Variants in TMEM87A observed in about 807,000 individuals in gnomAD.
TMEM87A encodes Golgi-pH regulating cation channel.
A neutral mutation model predicts 90.0 loss-of-function variants in TMEM87A; 50 were observed. That is an observed-to-expected ratio of 0.56 (90% confidence interval 0.44 to 0.70). The LOEUF (loss-of-function observed/expected upper bound fraction) is 0.70. TMEM87A is among the 30% of genes least tolerant of loss of function. TMEM87A has a pLI of 0.00. For missense variants in TMEM87A, 577 were observed against 660.5 expected, an observed-to-expected ratio of 0.87 and a Z score of 1.39; for synonymous variants, 226 against 226.7, an observed-to-expected ratio of 1.00 and a Z score of 0.03.
At chr15:42,236,281 A>G (rs749051390) in intron 10 of TMEM87A, 39 bp downstream of exon 10, 5 of 1,530,608 alleles carry the variant, frequency 3.3e-6, no homozygotes, top group Non-Finnish European at 3.6e-6. Flanking sequence ...TTTAATCAGC[A>G]TTTTAATTTG....
Position 42,231,275 on chromosome 15 carries a change from AAAG to A in TMEM87A, c.1063-18_1063-16del. 1.3e-6 allele frequency: 2 copies of A among 1,552,336 alleles called. No homozygotes were observed. Among genetic ancestry groups the A allele is most frequent in the Non-Finnish European group, 8.6e-7 (1 of 1,156,536 alleles). On this transcript the variant is annotated splice_polypyrimidine_tract_variant and intron_variant, in intron 11 of 19. Coordinates refer to ENST00000389834, the MANE Select transcript of TMEM87A (RefSeq NM_015497.5). ...TCAGTCTGGGCCTGCAGACAAAGAA[AAAG>A]AAGTGGTGAAAAACAGATGTCTAGA...
Position 42,237,417 on chromosome 15 carries a change from T to C in TMEM87A, c.868+15A>G, listed in dbSNP as rs776449608. On this transcript the variant is annotated intron_variant, in intron 9 of 19. Transcript: ENST00000389834. Reference sequence around the variant, plus strand: ...TCCAACCACTCGAACTGGCAAAGATTTTCTGGTTACTTACCAGATTCTCCT... The same window carrying C: ...TCCAACCACTCGAACTGGCAAAGATCTTCTGGTTACTTACCAGATTCTCCT... 2 of 1,612,000 alleles carry C rather than the reference T, an allele frequency of 1.2e-6. No homozygotes were observed. The highest frequency in any genetic ancestry group is 1.7e-5 in the Admixed American group (1 of 59,858).
intron 15 of TMEM87A, among the ~76,000 whole-genome samples, chr15:42,222,305 C>T (rs2140920189): frequency 6.6e-6 from 1 of 152,192 alleles, no homozygotes; most frequent in South Asian, 2.1e-4. Flanking sequence ...GATCTGTCCG[C>T]TTCAGCCTCC....
chr15:42,228,655 G>T, intron 13 of TMEM87A, 57 bp downstream of exon 13: 1 of 1,465,588 alleles, frequency 6.8e-7, no homozygotes, highest in Non-Finnish European at 9.6e-7. Flanking sequence ...TTCAGGTTAA[G>T]AATGTCCATT....
At chr15:42,242,354 T>G (rs1348967510) in intron 7 of TMEM87A, among the ~76,000 whole-genome samples, 1 of 152,178 alleles carries the variant, frequency 6.6e-6, no homozygotes, top group Non-Finnish European at 1.5e-5. Flanking sequence ...AGAGCCAGGC[T>G]GGATGCATGA....
chr15:42,252,582 CT>C (rs1382982111), intron 6 of TMEM87A, among the ~76,000 whole-genome samples: 2 of 152,152 alleles, frequency 1.3e-5, no homozygotes, highest in African/African-American at 2.4e-5. Context: ...TCTTCTCCCT[CT>C]GATGAATTCC....
At chr15:42,245,520 CTT>C (rs550453415) in intron 6 of TMEM87A, among the ~76,000 whole-genome samples, 15 of 118,408 alleles carry the variant, frequency 1.3e-4, no homozygotes, top group Middle Eastern at 4.8e-3. Flanking sequence ...ACATTTATTA[CTT>C]TTTTTTTTTT....
intron 6 of TMEM87A, among the ~76,000 whole-genome samples, chr15:42,245,520 CTTT>C (rs550453415): frequency 1.7e-5 from 2 of 118,424 alleles, no homozygotes. Context: ...ACATTTATTA[CTTT>C]TTTTTTTTTT....
chr15:42,262,652 G>C (rs60255654), intron 4 of TMEM87A, among the ~76,000 whole-genome samples: 1 of 151,580 alleles, frequency 6.6e-6, no homozygotes, highest in Non-Finnish European at 1.5e-5. Context: ...CCTGACCTCA[G>C]GTGATCCGCC....
chr15:42,259,496 T>C (rs570096708), intron 6 of TMEM87A, among the ~76,000 whole-genome samples: 1 of 152,242 alleles, frequency 6.6e-6, no homozygotes, highest in South Asian at 2.1e-4. Flanking sequence ...GACTCAGAGA[T>C]CACCCAGTGT....
At chr15:42,222,018 G>C (rs2050496267) in intron 15 of TMEM87A, among the ~76,000 whole-genome samples, 1 of 152,186 alleles carries the variant, frequency 6.6e-6, no homozygotes, top group African/African-American at 2.4e-5. Context: ...ACCTCCCAAA[G>C]TGCTGGAATG....
At chr15:42,256,645 T>C (rs2140972178) in intron 6 of TMEM87A, among the ~76,000 whole-genome samples, 1 of 152,316 alleles carries the variant, frequency 6.6e-6, no homozygotes, top group Non-Finnish European at 1.5e-5. Flanking sequence ...AAGTATGCTG[T>C]GCACAGAAGA....
chr15:42,268,653 C>T (rs543254300), intron 2 of TMEM87A, among the ~76,000 whole-genome samples: 6 of 151,338 alleles, frequency 4.0e-5, no homozygotes, highest in African/African-American at 1.2e-4. Context: ...GGCGACAGAG[C>T]GAGACCCTGT....
intron 19 of TMEM87A, among the ~76,000 whole-genome samples, chr15:42,217,167 T>C (rs954711342): frequency 1.3e-5 from 2 of 152,082 alleles, no homozygotes; most frequent in African/African-American, 4.8e-5. Flanking sequence ...TTGCCCAGGC[T>C]GGTCTCAAGC....
chr15:42,224,127 G>A (rs2050546380), intron 15 of TMEM87A, among the ~76,000 whole-genome samples: 1 of 152,310 alleles, frequency 6.6e-6, no homozygotes, highest in Admixed American at 6.5e-5. Context: ...TTGGCTGACA[G>A]TGTAACAGTA....
intron 15 of TMEM87A, chr15:42,226,535 A>G (rs2050597539): frequency 1.0e-5 from 4 of 391,266 alleles, no homozygotes; most frequent in Non-Finnish European, 1.8e-5. Flanking sequence ...ATTTATCACA[A>G]AATGTCAGAG....
intron 10 of TMEM87A, among the ~76,000 whole-genome samples, chr15:42,235,927 C>T (rs1156387264): frequency 6.6e-6 from 1 of 152,128 alleles, no homozygotes; most frequent in African/African-American, 2.4e-5. Context: ...AGAAGACACT[C>T]CTCAATAAAA....
chr15:42,223,920 G>T (rs560890835), intron 15 of TMEM87A, among the ~76,000 whole-genome samples: 2 of 152,044 alleles, frequency 1.3e-5, no homozygotes, highest in African/African-American at 4.8e-5. Context: ...TTTCTTTCAG[G>T]TTTTTTTTGG....
intron 15 of TMEM87A, among the ~76,000 whole-genome samples, chr15:42,223,953 A>T (rs1446349551): frequency 1.3e-5 from 2 of 151,926 alleles, no homozygotes; most frequent in Admixed American, 1.3e-4. Context: ...GAAATACTTT[A>T]AAAATTACAA....
Sources: gnomAD v4.1 joint callset for allele counts (sites outside exome capture counted in the v4.1 genomes callset) on GRCh38, gnomAD v4.1.1 for gene constraint, MANE v1.5 for transcripts, NCBI Gene and HGNC (gene_info 2026-07-23, HGNC 2026-07-21) for gene names.